DMD: variants seen among roughly 807,000 people sequenced by gnomAD.
The protein encoded by DMD is dystrophin.
In DMD, 63 loss-of-function variants were observed where a neutral mutation model predicts 330.1. The ratio of observed to expected loss-of-function variants is 0.19; its 90% CI spans 0.16 to 0.24. The LOEUF (loss-of-function observed/expected upper bound fraction) is 0.24. DMD is among the 10% of genes least tolerant of loss of function. The pLI, the probability that DMD is intolerant of heterozygous loss-of-function variation, is 1.00. For synonymous variants in DMD, 1,223 were observed against 959.8 expected (o/e 1.27, Z -5.07); for missense variants, 3,344 against 2,684.1 (o/e 1.25, Z -5.43).
intron 44 of DMD, among the ~76,000 whole-genome samples, chrX:32,144,617 T>A (rs1163267560): frequency 8.9e-6 from 1 of 112,165 alleles, no homozygotes; most frequent in East Asian, 2.8e-4. Context: ...CTGATGAGGA[T>A]CTTTGAGAAA....
intron 2 of DMD, among the ~76,000 whole-genome samples, chrX:32,941,272 C>G (rs902053879): frequency 9.0e-6 from 1 of 111,641 alleles, no homozygotes; most frequent in African/African-American, 3.3e-5. Context: ...GACAGAACTA[C>G]CATTCAATCC....
chrX:32,870,643 T>C (rs768285509), intron 2 of DMD, among the ~76,000 whole-genome samples: 4 of 110,848 alleles, frequency 3.6e-5, no homozygotes, highest in Non-Finnish European at 5.7e-5. Flanking sequence ...CAACTGATGT[T>C]TGACAAACCT....
intron 1 of DMD, among the ~76,000 whole-genome samples, chrX:33,276,713 T>C (rs1473825348): frequency 4.5e-5 from 5 of 112,071 alleles, no homozygotes; most frequent in Non-Finnish European, 9.4e-5. Context: ...CAATATTATA[T>C]ACATGGGATG....
At chrX:32,459,099 C>A (rs985060578) in intron 25 of DMD, among the ~76,000 whole-genome samples, 1 of 110,217 alleles carries the variant, frequency 9.1e-6, no homozygotes, top group Admixed American at 9.7e-5. Context: ...CAACATTGGG[C>A]CTATAGTTAA....
intron 1 of DMD, among the ~76,000 whole-genome samples, chrX:33,153,433 C>T (rs1425344673): frequency 1.8e-5 from 2 of 112,288 alleles, no homozygotes; most frequent in African/African-American, 3.2e-5. Context: ...ACAAACAAAA[C>T]AAAACAAAAC....
Position 31,679,390 on chromosome X carries a change from T to C in DMD, c.7857A>G (p.Lys2619=). The change falls in exon 53 of 79, where the codon AAA becomes AAG. Residue 2619 remains lysine, a synonymous_variant. Transcript: ENST00000357033. ...TGATACTAACCTTGGTTTCTGTGAT[T>C]TTCTTTTGGATTGCATCTACTGTAT... The part of the protein sequence containing the change: ...GPYTVDAIQK[K]ITETKQLAKD... The C allele has an allele frequency of 3.3e-6, 4 of 1,208,280 alleles. No homozygotes were observed. Among genetic ancestry groups the C allele is most frequent in the Non-Finnish European group, 4.5e-6 (4 of 893,447 alleles).
intron 60 of DMD, among the ~76,000 whole-genome samples, chrX:31,350,782 C>T (rs1007175863): frequency 3.6e-5 from 4 of 110,812 alleles, no homozygotes; most frequent in African/African-American, 9.9e-5. Context: ...CCCAGGTAAA[C>T]CACTATTTCT....
chrX:32,589,591 T>C (rs1356310880), intron 13 of DMD, among the ~76,000 whole-genome samples: 1 of 111,470 alleles, frequency 9.0e-6, no homozygotes, highest in Non-Finnish European at 1.9e-5. Flanking sequence ...CTTACATTTA[T>C]ATATATTTAC....
chrX:32,891,029 T>A (rs893755830), intron 2 of DMD, among the ~76,000 whole-genome samples: 1 of 112,192 alleles, frequency 8.9e-6, no homozygotes, highest in Non-Finnish European at 1.9e-5. Context: ...TCTTTTTTGA[T>A]TACATGTTGA....
intron 16 of DMD, among the ~76,000 whole-genome samples, chrX:32,554,817 GGAGGGAGGGGGAGGGAGAGAGAGA>G (rs869190451): frequency 0.38 from 19,120 of 49,771 alleles, 3,853 homozygotes; most frequent in South Asian, 0.47. Flanking sequence ...AGGGAGGGAG[GGAGGGAGGGGGAGGGAGAGAGAGA>G]GAGAGAGAGA....
intron 7 of DMD, among the ~76,000 whole-genome samples, chrX:32,737,099 A>C (rs1603311447): frequency 9.1e-6 from 1 of 110,434 alleles, no homozygotes; most frequent in East Asian, 2.8e-4. Context: ...CTTTACCAAA[A>C]AATAAAAATC....
rs762584798 is a variant in DMD, at chrX:31,814,208, G to A, written c.7309+5767C>T. On this transcript the variant is annotated intron_variant, in intron 50 of 78. Transcript: ENST00000357033. Reference sequence around the variant, plus strand: ...TCAACTAGAAAACTCTGGGCCGGGCGCGGTGGCTCACGCCTGTAATCCCAG... The same window carrying A: ...TCAACTAGAAAACTCTGGGCCGGGCACGGTGGCTCACGCCTGTAATCCCAG... Among the ~76,000 whole-genome samples the A allele has an allele frequency of 1.6e-4, 18 of 109,993 alleles. 1 individual carries two copies. The South Asian group carries it at 4.6e-3, about 28-fold the overall frequency.
chrX:31,718,025 G>C (rs2085189089), intron 52 of DMD, among the ~76,000 whole-genome samples: 1 of 111,517 alleles, frequency 9.0e-6, no homozygotes, highest in Non-Finnish European at 1.9e-5. Context: ...ACCCCCAATG[G>C]CTTTACTCCT....
Position 31,416,086 on chromosome X carries a change from T to C in DMD, c.9084+28395A>G, listed in dbSNP as rs143210151. 9.7e-3 allele frequency among the ~76,000 whole-genome samples: 1,090 copies of C among 112,147 alleles called. 11 individuals carry two copies. Among genetic ancestry groups the C allele is most frequent in the African/African-American group, 0.033 (1,021 of 30,864 alleles). On this transcript the variant is annotated intron_variant, in intron 60 of 78. Transcript: ENST00000357033. ...ATTTTAAATATCTCAACATAGATAGTTGGATATTTTATATGTGCAGTTAGT... is the reference window on the plus strand; with the variant it reads ...ATTTTAAATATCTCAACATAGATAGCTGGATATTTTATATGTGCAGTTAGT...
intron 2 of DMD, among the ~76,000 whole-genome samples, chrX:32,963,362 T>C (rs1781909554): frequency 8.9e-6 from 1 of 111,950 alleles, no homozygotes; most frequent in Non-Finnish European, 1.9e-5. Flanking sequence ...CACGTTGAGG[T>C]TGCATACTAA....
chrX:31,421,092 A>G (rs931626275), intron 60 of DMD, among the ~76,000 whole-genome samples: 1 of 112,408 alleles, frequency 8.9e-6, no homozygotes, highest in African/African-American at 3.2e-5. Context: ...ATAGGTGAGT[A>G]GTTAGCAAGA....
chrX:32,846,170 T>TA (rs2080643976), intron 3 of DMD, among the ~76,000 whole-genome samples: 1 of 111,939 alleles, frequency 8.9e-6, no homozygotes, highest in African/African-American at 3.3e-5. Flanking sequence ...GCACTACCTT[T>TA]AATCCCCGCC....
chrX:32,791,540 C>T (rs2075821564), intron 7 of DMD, among the ~76,000 whole-genome samples: 1 of 111,843 alleles, frequency 8.9e-6, no homozygotes, highest in Non-Finnish European at 1.9e-5. Context: ...AGACACCATT[C>T]ATACTGTTTA....
intron 44 of DMD, among the ~76,000 whole-genome samples, chrX:32,173,370 TATTATG>T (rs1206152133): frequency 1.6e-4 from 18 of 110,112 alleles, no homozygotes; most frequent in Admixed American, 3.9e-4. Flanking sequence ...TAAAAATTAT[TATTATG>T]ATTATGATTA....
Sources: gnomAD v4.1 joint callset for allele counts (sites outside exome capture counted in the v4.1 genomes callset) on GRCh38, gnomAD v4.1.1 for gene constraint, MANE v1.5 for transcripts, NCBI Gene and HGNC (gene_info 2026-07-23, HGNC 2026-07-21) for gene names.